Variants in ZFPM2 observed in about 807,000 individuals in gnomAD.
ZFPM2 encodes zinc finger protein ZFPM2.
ZFPM2 carries 20 observed loss-of-function variants against 98.6 expected under a neutral mutation model. The observed-to-expected ratio is 0.20, with a 90% CI of 0.14 to 0.29. ZFPM2 has a LOEUF of 0.29. Among genes scored for constraint, ZFPM2 ranks in the 10% least tolerant of loss-of-function variants. The pLI is 1.00. For synonymous variants in ZFPM2, 518 were observed against 502.7 expected (o/e 1.03, Z -0.41); for missense variants, 1,310 against 1,388.6 (o/e 0.94, Z 0.90).
At position 105,796,551 on chromosome 8, in the gene ZFPM2, T is replaced by G. The variant is rs532152639; in HGVS notation, c.740-2173T>G. On this transcript the variant is annotated intron_variant, in intron 6 of 7. Coordinates refer to ENST00000407775, the MANE Select transcript of ZFPM2 (RefSeq NM_012082.4). ...AAATGTTAATTTGAAACTCTATTAT[T>G]ATACTTACTATCCTTACTTCCCTTT... 3.9e-5 allele frequency among the ~76,000 whole-genome samples: 6 copies of G among 152,326 alleles called. No individual in the cohort carries two copies. The East Asian group carries it at 1.2e-3, about 29-fold the overall frequency.
intron 5 of ZFPM2, among the ~76,000 whole-genome samples, chr8:105,746,602 T>C (rs779495533): frequency 2.2e-4 from 34 of 151,638 alleles, no homozygotes; most frequent in Non-Finnish European, 4.0e-4. Flanking sequence ...GCAAAAGAAA[T>C]GTAACTATGG....
chr8:105,410,372 C>T (rs1452842970), intron 1 of ZFPM2, among the ~76,000 whole-genome samples: 1 of 151,834 alleles, frequency 6.6e-6, no homozygotes, highest in Non-Finnish European at 1.5e-5. Context: ...ATTTAAGAAA[C>T]TTGGTCGCCA....
At chr8:105,543,995 T>C (rs1442678740) in intron 3 of ZFPM2, among the ~76,000 whole-genome samples, 1 of 152,192 alleles carries the variant, frequency 6.6e-6, no homozygotes, top group Non-Finnish European at 1.5e-5. Flanking sequence ...TGAACAATTC[T>C]AACTGAAGAT....
intron 2 of ZFPM2, among the ~76,000 whole-genome samples, chr8:105,434,221 G>A (rs1435395809): frequency 3.9e-5 from 6 of 151,980 alleles, no homozygotes; most frequent in African/African-American, 1.2e-4. Context: ...TTGCCATAAA[G>A]GGAACAGCTG....
rs1814062512 is a variant in ZFPM2 at position 105,802,526 on chromosome 8, A to G, written c.2444A>G (p.Asp815Gly). The G allele has an allele frequency of 6.2e-7, 1 of 1,612,008 alleles. No individual in the cohort carries two copies. Among genetic ancestry groups the G allele is most frequent in the Non-Finnish European group, 8.5e-7 (1 of 1,178,962 alleles). ...INKCVPVSKCDTTHSSVSCLE... is the reference protein window; with the variant it reads ...INKCVPVSKCGTTHSSVSCLE... ...AAGTGTGTTCCAGTTTCCAAATGTG[A>G]TACTACTCATTCCAGTGTTTCCTGC... Residue 815 changes from aspartate (D) to glycine (G), a missense_variant, in exon 8 of 8, where the codon GAT becomes GGT. Transcript: ENST00000407775.
intron 3 of ZFPM2, among the ~76,000 whole-genome samples, chr8:105,509,014 A>G (rs1813759912): frequency 6.6e-6 from 1 of 152,178 alleles, no homozygotes; most frequent in Non-Finnish European, 1.5e-5. Flanking sequence ...GCGATATATC[A>G]GGTTCCTGAA....
intron 5 of ZFPM2, among the ~76,000 whole-genome samples, chr8:105,698,853 T>C (rs1410422517): frequency 6.6e-6 from 1 of 152,200 alleles, no homozygotes; most frequent in African/African-American, 2.4e-5. Flanking sequence ...TTTTGACTTA[T>C]AATATCTTTT....
rs1812400450 is a variant in ZFPM2 at position 105,340,154 on chromosome 8, C to T, written c.40+21173C>T. ...GAAGGAGCCATTGCAATGAGAAACA[C>T]CTCTAGCCTTTTAGATAACCTCGAT... On this transcript the variant is annotated intron_variant, in intron 1 of 7. Transcript: ENST00000407775. Among the ~76,000 whole-genome samples the T allele has an allele frequency of 3.3e-5, 5 of 151,804 alleles. No homozygotes were observed. In the South Asian group the frequency reaches 1.0e-3, roughly 31 times the overall value.
At chr8:105,474,765 A>T (rs1464636508) in intron 3 of ZFPM2, among the ~76,000 whole-genome samples, 9 of 152,188 alleles carry the variant, frequency 5.9e-5, no homozygotes, top group Non-Finnish European at 1.3e-4. Flanking sequence ...CCATCCTATG[A>T]TTAGGTGAGT....
rs1235414749 is a variant in ZFPM2, at chr8:105,456,164, G to GT, written c.301+11786dup. 8.4e-3 allele frequency among the ~76,000 whole-genome samples: 1,146 copies of GT among 136,578 alleles called. 28 individuals are homozygous for GT. Among genetic ancestry groups the GT allele is most frequent in the African/African-American group, 0.028 (1,070 of 37,822 alleles). The allele number at this position is 136,578 out of a possible 152,430, so 89.6% of individuals were successfully genotyped here. On this transcript the variant is annotated intron_variant, in intron 3 of 7. Transcript: ENST00000407775. ...GGAAAATGTTTTTTTTTGTTTGTTT[G>GT]TTTGTTTTTTTTTTAAGAAGGAAGG...
chr8:105,746,569 C>T (rs1397367838), intron 5 of ZFPM2, among the ~76,000 whole-genome samples: 1 of 150,866 alleles, frequency 6.6e-6, no homozygotes, highest in Non-Finnish European at 1.5e-5. Flanking sequence ...TGACAATAAT[C>T]TGTATTTTCT....
intron 1 of ZFPM2, among the ~76,000 whole-genome samples, chr8:105,323,143 T>C (rs2130647895): frequency 1.3e-5 from 2 of 152,026 alleles, no homozygotes; most frequent in African/African-American, 4.8e-5. Context: ...TTTAAAAGTC[T>C]TTCTTCTATT....
At chr8:105,607,142 A>G (rs1295501389) in intron 4 of ZFPM2, among the ~76,000 whole-genome samples, 1 of 152,120 alleles carries the variant, frequency 6.6e-6, no homozygotes, top group Non-Finnish European at 1.5e-5. Context: ...ATTCCTTAGA[A>G]TGTTTTCTAT....
At chr8:105,666,463 A>G (rs1817490497) in intron 5 of ZFPM2, among the ~76,000 whole-genome samples, 1 of 152,112 alleles carries the variant, frequency 6.6e-6, no homozygotes, top group Non-Finnish European at 1.5e-5. Context: ...CTTCCTTTCC[A>G]TCTGTTGCTT....
chr8:105,581,009 T>G (rs1033762990), intron 4 of ZFPM2, among the ~76,000 whole-genome samples: 1 of 152,038 alleles, frequency 6.6e-6, no homozygotes, highest in Non-Finnish European at 1.5e-5. Flanking sequence ...CAAGCTAAAC[T>G]TCTGTGTTTT....
At chr8:105,370,191 G>A (rs566507677) in intron 1 of ZFPM2, among the ~76,000 whole-genome samples, 1 of 152,158 alleles carries the variant, frequency 6.6e-6, no homozygotes, top group African/African-American at 2.4e-5. Context: ...CATTGGGTGA[G>A]GGGGTAAGAA....
intron 1 of ZFPM2, among the ~76,000 whole-genome samples, chr8:105,415,263 G>A (rs573920214): frequency 7.9e-5 from 12 of 152,180 alleles, no homozygotes; most frequent in Middle Eastern, 3.4e-3. Flanking sequence ...TAGCACCAGT[G>A]TGTTCATAGC....
At chr8:105,338,050 A>C (rs1812360085) in intron 1 of ZFPM2, among the ~76,000 whole-genome samples, 1 of 151,816 alleles carries the variant, frequency 6.6e-6, no homozygotes, top group Non-Finnish European at 1.5e-5. Flanking sequence ...TTTAAAAATA[A>C]TCTCAAATTA....
chr8:105,393,318 TTCC>T (rs1194406081), intron 1 of ZFPM2, among the ~76,000 whole-genome samples: 1 of 79,510 alleles, frequency 1.3e-5, no homozygotes, highest in Non-Finnish European at 2.6e-5. Context: ...CCTTTCTTCC[TTCC>T]CTCTCTCTCT....
Sources: gnomAD v4.1 joint callset for allele counts (sites outside exome capture counted in the v4.1 genomes callset) on GRCh38, gnomAD v4.1.1 for gene constraint, MANE v1.5 for transcripts, NCBI Gene and HGNC (gene_info 2026-07-23, HGNC 2026-07-21) for gene names.